The following QSER1 variants were observed in gnomAD, a reference collection of about 807,000 sequenced individuals.
QSER1 encodes the protein glutamine and serine rich 1.
A neutral mutation model predicts 158.5 loss-of-function variants in QSER1; 49 were observed. The observed-to-expected ratio is 0.31, with a 90% CI of 0.25 to 0.39. QSER1 has a LOEUF of 0.39. Among genes scored for constraint, QSER1 ranks in the 10% least tolerant of loss-of-function variants. The probability of loss-of-function intolerance (pLI) is 1.00; values close to 1 mark genes in which losing one functional copy is unlikely to be tolerated. For missense variants in QSER1, 1,754 were observed against 2,010.3 expected (o/e 0.87, Z 2.44); for synonymous variants, 650 against 715.5 (o/e 0.91, Z 1.46).
At chr11:32,947,046 C>T (rs1469695934) in intron 4 of QSER1, among the ~76,000 whole-genome samples, 1 of 152,258 alleles carries the variant, frequency 6.6e-6, no homozygotes, top group Non-Finnish European at 1.5e-5. Context: ...TCCCTGACCC[C>T]TTGCGCTTCC....
intron 8 of QSER1, 87 bp downstream of exon 8, chr11:32,958,173 ATT>A (rs1852557801): frequency 2.8e-6 from 3 of 1,071,450 alleles, no homozygotes; most frequent in Non-Finnish European, 4.1e-6. Flanking sequence ...TTCAAAATGT[ATT>A]TACTTTTCAG....
Position 32,951,157 on chromosome 11 carries a change from T to G in QSER1, c.4178-2700T>G, listed in dbSNP as rs141334152. ...TGCTAACATGTGTTAATGTCTATAT[T>G]TTTAATTATAATCATCCTAGTAGGA... On this transcript the variant is annotated intron_variant, in intron 4 of 12. Transcript: ENST00000650167. Among the ~76,000 whole-genome samples the G allele has an allele frequency of 2.3e-3, 346 of 152,316 alleles. 2 individuals are homozygous for G. The highest frequency in any genetic ancestry group is 8.1e-3 in the African/African-American group (337 of 41,576).
rs573114585 is a variant in QSER1, at chr11:32,909,433, C to T, written c.209+16099C>T. Among the ~76,000 whole-genome samples the T allele has an allele frequency of 1.6e-4, 24 of 151,568 alleles. No homozygotes were observed. The South Asian group carries it at 5.0e-3, about 32-fold the overall frequency. ...GCAGTTGGTAGCCAAGTTCATTAAA[C>T]TCTAGATCATTTTTTTTTTTTTTGA... On this transcript the variant is annotated intron_variant, in intron 1 of 12. Transcript: ENST00000650167.
chr11:32,970,400 TTTG>T (rs2133608562), intron 10 of QSER1, among the ~76,000 whole-genome samples: 2 of 152,248 alleles, frequency 1.3e-5, no homozygotes, highest in South Asian at 4.1e-4. Context: ...TAGTCCAGTT[TTTG>T]TTTGTTCGTT....
intron 11 of QSER1, 112 bp downstream of exon 11, chr11:32,973,661 G>A (rs1852914335): frequency 9.6e-7 from 1 of 1,046,996 alleles, no homozygotes; most frequent in East Asian, 2.6e-5. Flanking sequence ...TAAGTGTGAA[G>A]GTTTTTCAGG....
chr11:32,914,103 G>T (rs1456251134), intron 1 of QSER1, among the ~76,000 whole-genome samples: 1 of 152,212 alleles, frequency 6.6e-6, no homozygotes, highest in African/African-American at 2.4e-5. Context: ...GTATATGCTA[G>T]AGTTCCACAC....
intron 10 of QSER1, among the ~76,000 whole-genome samples, chr11:32,971,919 C>T (rs952040851): frequency 9.9e-5 from 15 of 151,920 alleles, no homozygotes; most frequent in African/African-American, 3.1e-4. Flanking sequence ...AAAAATTAGC[C>T]GGGCGTGGTG....
chr11:32,947,612 T>C (rs1165342254), intron 4 of QSER1, among the ~76,000 whole-genome samples: 1 of 152,176 alleles, frequency 6.6e-6, no homozygotes, highest in East Asian at 1.9e-4. Flanking sequence ...TGGGTTATAG[T>C]AGGGTTTGTA....
chr11:32,954,186 TCAGTGTTCAC>T lies in QSER1; in HGVS notation c.4500+14_4500+23del. 6.2e-7 allele frequency: 1 copy of T among 1,608,826 alleles called. No homozygotes were observed. Among genetic ancestry groups the T allele is most frequent in the South Asian group, 1.1e-5 (1 of 90,622 alleles). On this transcript the variant is annotated splice_region_variant and intron_variant, in intron 5 of 12. Coordinates refer to ENST00000650167, the MANE Select transcript of QSER1 (RefSeq NM_001076786.3). Reference sequence around the variant, plus strand: ...AGACATAGAGACTTTTAAGGTGATGTCAGTGTTCACCAGTGTAAAGGTCATAGTTTAGTTA... The same window carrying T: ...AGACATAGAGACTTTTAAGGTGATGTCAGTGTAAAGGTCATAGTTTAGTTA...
At chr11:32,909,399 G>C (rs1851735713) in intron 1 of QSER1, among the ~76,000 whole-genome samples, 1 of 151,522 alleles carries the variant, frequency 6.6e-6, no homozygotes, top group South Asian at 2.1e-4. Flanking sequence ...GATGACGTGA[G>C]ATTATTCAGC....
intron 1 of QSER1, among the ~76,000 whole-genome samples, chr11:32,898,707 G>A (rs1011174671): frequency 1.3e-5 from 2 of 152,116 alleles, no homozygotes; most frequent in African/African-American, 4.8e-5. Context: ...CCAAGTAGCT[G>A]GGACTACAGG....
rs748871834 is a variant in QSER1, at chr11:32,935,085, C to T, written c.3827C>T (p.Thr1276Ile). The T allele has an allele frequency of 6.2e-7, 1 of 1,614,060 alleles. No individual in the cohort carries two copies. The highest frequency in any genetic ancestry group is 8.5e-7 in the Non-Finnish European group (1 of 1,179,996). Residue 1276 changes from threonine to isoleucine, a missense_variant, in exon 4 of 13, where the codon ACA (threonine) becomes ATA (isoleucine). This residue lies in a region of QSER1 where 1,707 missense variants were observed against 1,919.6 expected (regional missense o/e 0.89). Transcript: ENST00000650167. Reference sequence around the variant, plus strand: ...GAGGAAAAACAACCAGAAGTCAAAACAGGATTTATTGCTTCTTTCTTAGAT... The same window carrying T: ...GAGGAAAAACAACCAGAAGTCAAAATAGGATTTATTGCTTCTTTCTTAGAT... ...EVEEKQPEVK[T>I]GFIASFLDFL...
chr11:32,910,107 T>G (rs1375067048), intron 1 of QSER1, among the ~76,000 whole-genome samples: 1 of 152,224 alleles, frequency 6.6e-6, no homozygotes, highest in Non-Finnish European at 1.5e-5. Flanking sequence ...TATGCTGGTC[T>G]TCTTTCAGCT....
rs1426610161 is a variant in QSER1, at chr11:32,935,186, A to G, written c.3928A>G (p.Thr1310Ala). ...RMPNRTRRPG[T>A]QMVRTFCPPP... ...GCCTAACAGGACTAGACGGCCAGGGACCCAGATGGTTCGTACATTTTGTCC... is the reference window on the plus strand; with the variant it reads ...GCCTAACAGGACTAGACGGCCAGGGGCCCAGATGGTTCGTACATTTTGTCC... The change falls in exon 4 of 13, where the codon ACC (threonine) becomes GCC (alanine). Residue 1310 changes from threonine to alanine, a missense_variant. By Grantham distance (58) the Thr-to-Ala change is moderately conservative. Around this residue, in one of 2 missense-constraint regions of QSER1, gnomAD observed 1,707 missense variants for 1,919.6 expected, o/e 0.89. Transcript: ENST00000650167. 1 of 1,614,054 alleles carries G rather than the reference A, an allele frequency of 6.2e-7. No individual in the cohort carries two copies. The highest frequency in any genetic ancestry group is 8.5e-7 in the Non-Finnish European group (1 of 1,179,976).
intron 10 of QSER1, among the ~76,000 whole-genome samples, 174 bp from the exon 11 acceptor site, chr11:32,973,223 T>C (rs993072967): frequency 6.6e-6 from 1 of 152,150 alleles, no homozygotes; most frequent in African/African-American, 2.4e-5. Context: ...TATGTATATG[T>C]ATGCATATCC....
At chr11:32,914,222 T>A (rs1851805727) in intron 1 of QSER1, among the ~76,000 whole-genome samples, 1 of 152,228 alleles carries the variant, frequency 6.6e-6, no homozygotes, top group Non-Finnish European at 1.5e-5. Context: ...ATATTAGAAC[T>A]ACAAAGAACA....
chr11:32,940,282 G>A (rs928669389), intron 4 of QSER1, among the ~76,000 whole-genome samples: 2 of 152,104 alleles, frequency 1.3e-5, no homozygotes, highest in African/African-American at 4.8e-5. Flanking sequence ...CATTCCTCTG[G>A]CCAGAAAGTT....
intron 8 of QSER1, 119 bp downstream of exon 8, chr11:32,958,205 A>C (rs1852558612): frequency 2.4e-6 from 2 of 835,854 alleles, no homozygotes. Context: ...CTACCTAATA[A>C]ATTCTGTTTA....
chr11:32,929,992 A>G (rs1372289328), intron 3 of QSER1, among the ~76,000 whole-genome samples: 5 of 152,228 alleles, frequency 3.3e-5, no homozygotes, highest in Non-Finnish European at 2.9e-5. Flanking sequence ...GTCAGTCACT[A>G]TGTAATTACA....
Sources: allele counts gnomAD v4.1 joint callset (sites outside exome capture counted in the v4.1 genomes callset), GRCh38; gene constraint gnomAD v4.1.1; regional missense constraint gnomAD v4.1.1; transcripts MANE v1.5; gene names NCBI Gene and HGNC (gene_info 2026-07-23, HGNC 2026-07-21).